MYT1L: variants seen among roughly 807,000 people sequenced by gnomAD.
MYT1L encodes the protein myelin transcription factor 1 like, also known as myelin transcription factor 1-like protein.
A neutral mutation model predicts 126.7 loss-of-function variants in MYT1L; 12 were observed. The observed-to-expected ratio is 0.09, with a 90% CI of 0.06 to 0.15. MYT1L has a LOEUF of 0.15. MYT1L is among the 10% of genes least tolerant of loss of function. The probability of loss-of-function intolerance (pLI) is 1.00; values close to 1 mark genes in which losing one functional copy is unlikely to be tolerated. For missense variants in MYT1L, 979 were observed against 1,585.2 expected (o/e 0.62, Z 6.49); for synonymous variants, 541 against 604.2 (o/e 0.90, Z 1.53).
At chr2:1,854,946 G>A (rs1201736433) in intron 18 of MYT1L, among the ~76,000 whole-genome samples, 1 of 152,154 alleles carries the variant, frequency 6.6e-6, no homozygotes, top group Non-Finnish European at 1.5e-5. Context: ...GTGTCTCCCT[G>A]AGATAACCAG....
intron 2 of MYT1L, among the ~76,000 whole-genome samples, chr2:2,196,316 T>C (rs557536976): frequency 6.6e-6 from 1 of 152,204 alleles, no homozygotes; most frequent in East Asian, 1.9e-4. Flanking sequence ...GAAGCACTTG[T>C]AATCAGCAGA....
At chr2:2,217,763 T>TAACATCTC (rs61441213) in intron 2 of MYT1L, among the ~76,000 whole-genome samples, 23,367 of 146,116 alleles carry the variant, frequency 0.16, 2,366 homozygotes, top group African/African-American at 0.28. Context: ...AAATCCACAT[T>TAACATCTC]AATAGACTCT....
At chr2:2,330,735 A>G (rs2096279881) in intron 1 of MYT1L, among the ~76,000 whole-genome samples, 1 of 152,178 alleles carries the variant, frequency 6.6e-6, no homozygotes, top group South Asian at 2.1e-4. Context: ...TTTTCTTAAT[A>G]AACAACATCA....
chr2:2,314,203 T>A (rs1047325362), intron 1 of MYT1L, among the ~76,000 whole-genome samples: 6 of 152,184 alleles, frequency 3.9e-5, no homozygotes, highest in Non-Finnish European at 5.9e-5. Context: ...TTTTGGAAAC[T>A]TTTTAAAAAG....
Position 2,082,126 on chromosome 2 carries a change from G to A in MYT1L, c.-303-28003C>T, listed in dbSNP as rs1046857729. ...CATCCATCAGTAGGGCTGTTGAAAG[G>A]ATCTACCACTATCTACACCACACTA... On this transcript the variant is annotated intron_variant, in intron 3 of 24. Transcript: ENST00000647738. Among the ~76,000 whole-genome samples, 4 of 151,340 alleles carry A rather than the reference G, an allele frequency of 2.6e-5. No homozygotes were observed. In the South Asian group the frequency reaches 6.3e-4, roughly 24 times the overall value.
chr2:2,033,705 A>G (rs2066667123), intron 4 of MYT1L, among the ~76,000 whole-genome samples: 1 of 152,186 alleles, frequency 6.6e-6, no homozygotes, highest in Non-Finnish European at 1.5e-5. Flanking sequence ...GGAATCTATT[A>G]AATCAACTCT....
chr2:2,220,639 C>G (rs944145313), intron 2 of MYT1L, among the ~76,000 whole-genome samples: 1 of 152,086 alleles, frequency 6.6e-6, no homozygotes, highest in Non-Finnish European at 1.5e-5. Context: ...ACAAAGGACA[C>G]CTTTGCAGGG....
At chr2:1,955,927 T>C (rs1157519618) in intron 8 of MYT1L, among the ~76,000 whole-genome samples, 1 of 152,208 alleles carries the variant, frequency 6.6e-6, no homozygotes, top group African/African-American at 2.4e-5. Flanking sequence ...AGTCACCACA[T>C]GTGGAAATAT....
chr2:2,021,017 C>G (rs1475215299), intron 4 of MYT1L, among the ~76,000 whole-genome samples: 1 of 152,186 alleles, frequency 6.6e-6, no homozygotes, highest in Non-Finnish European at 1.5e-5. Flanking sequence ...CTCAGGGTCC[C>G]TCTCTGCTTA....
chr2:2,078,218 G>A (rs532161522), intron 3 of MYT1L, among the ~76,000 whole-genome samples: 11 of 152,076 alleles, frequency 7.2e-5, no homozygotes, highest in African/African-American at 2.7e-4. Context: ...GGAACTAAAA[G>A]GTTATACCAG....
At chr2:2,121,342 T>C (rs2080976298) in intron 3 of MYT1L, among the ~76,000 whole-genome samples, 1 of 151,840 alleles carries the variant, frequency 6.6e-6, no homozygotes, top group African/African-American at 2.4e-5. Context: ...CATGCCCAGC[T>C]AACTTTGTAT....
chr2:2,310,598 G>A (rs372732300), intron 1 of MYT1L, among the ~76,000 whole-genome samples: 6 of 152,028 alleles, frequency 3.9e-5, no homozygotes, highest in East Asian at 3.9e-4. Flanking sequence ...AGAACCCTAC[G>A]TTTTCTTCAA....
intron 4 of MYT1L, among the ~76,000 whole-genome samples, chr2:1,999,638 T>C (rs1347158262): frequency 1.3e-5 from 2 of 152,146 alleles, no homozygotes; most frequent in Non-Finnish European, 2.9e-5. Context: ...CTCAACATAA[T>C]CTATTAAAAT....
At chr2:2,047,832 T>C (rs2068370437) in intron 4 of MYT1L, among the ~76,000 whole-genome samples, 1 of 152,178 alleles carries the variant, frequency 6.6e-6, no homozygotes, top group Admixed American at 6.5e-5. Context: ...AAGGAAATAA[T>C]GTAAACTACT....
intron 3 of MYT1L, among the ~76,000 whole-genome samples, chr2:2,160,235 C>T (rs968669279): frequency 5.9e-5 from 9 of 152,148 alleles, no homozygotes; most frequent in Non-Finnish European, 4.4e-5. Context: ...AAAACAAAAC[C>T]TCAGGAGATA....
At chr2:2,216,241 A>C (rs1043849187) in intron 2 of MYT1L, among the ~76,000 whole-genome samples, 1 of 152,164 alleles carries the variant, frequency 6.6e-6, no homozygotes, top group Non-Finnish European at 1.5e-5. Context: ...CTAATACACC[A>C]AGGTAGATTA....
intron 3 of MYT1L, among the ~76,000 whole-genome samples, chr2:2,103,963 C>T (rs1325441169): frequency 6.6e-6 from 1 of 152,226 alleles, no homozygotes; most frequent in African/African-American, 2.4e-5. Context: ...CTCCAAGCCT[C>T]CCATGATGGA....
chr2:1,893,122 T>A (rs2049133438), intron 14 of MYT1L, among the ~76,000 whole-genome samples: 1 of 152,198 alleles, frequency 6.6e-6, no homozygotes, highest in South Asian at 2.1e-4. Context: ...TAATCCTTTC[T>A]GAGCCACCAC....
At chr2:2,183,333 C>G (rs1026065215) in intron 2 of MYT1L, among the ~76,000 whole-genome samples, 2 of 152,020 alleles carry the variant, frequency 1.3e-5, no homozygotes, top group African/African-American at 4.8e-5. Context: ...CACAGAGAGG[C>G]TGCTCACCTC....
Sources: gnomAD v4.1 joint callset for allele counts (sites outside exome capture counted in the v4.1 genomes callset) on GRCh38, gnomAD v4.1.1 for gene constraint, MANE v1.5 for transcripts, NCBI Gene and HGNC (gene_info 2026-07-23, HGNC 2026-07-21) for gene names.